TMEM71: variants seen among roughly 807,000 people sequenced by gnomAD.
TMEM71 encodes transmembrane protein 71.
A neutral mutation model predicts 38.0 loss-of-function variants in TMEM71; 44 were observed. The observed-to-expected ratio is 1.16, with a 90% CI of 0.91 to 1.49. The LOEUF is 1.49. Among genes scored for constraint, TMEM71 ranks in the 40% most tolerant of loss-of-function variants. TMEM71 has a pLI of 0.00. For synonymous variants in TMEM71, 133 were observed against 122.5 expected, an observed-to-expected ratio of 1.09 and a Z score of -0.56; for missense variants, 367 against 348.6, an observed-to-expected ratio of 1.05 and a Z score of -0.42.
chr8:132,757,338 T>C (rs1829082644), intron 2 of TMEM71, 44 bp from the exon 3 acceptor site: 1 of 1,426,444 alleles, frequency 7.0e-7, no homozygotes, highest in Non-Finnish European at 9.9e-7. Flanking sequence ...TCATACCTGA[T>C]CAACAGTTAC....
At chr8:132,743,834 C>G (rs763681605) in intron 5 of TMEM71, among the ~76,000 whole-genome samples, 2 of 152,124 alleles carry the variant, frequency 1.3e-5, no homozygotes, top group African/African-American at 2.4e-5. Flanking sequence ...CTTCCCCCAC[C>G]AAGCACGTCT....
At chr8:132,768,415 G>A in the TMEM71 span, among the ~76,000 whole-genome samples, 1 of 152,146 alleles carries the variant, frequency 6.6e-6, no homozygotes, top group Non-Finnish European at 1.5e-5. Context: ...GGAGGCTGAG[G>A]CAGGCAGATC....
At position 132,714,162 on chromosome 8, in the gene TMEM71, G is replaced by C; in HGVS notation, c.806C>G (p.Thr269Ser). ...GGGAAACAGTTACTTACAAGCTACA[G>C]TTATCATCAATGAGCATGTGAAGAC... ...ASVFTCSLMI[T>S]VAYVKSLFLS... Residue 269 changes from threonine to serine, a missense_variant, in exon 8 of 10, where the codon ACT becomes AGT. By Grantham distance (58) the Thr-to-Ser change is moderately conservative. Transcript: ENST00000677595. 6.2e-7 allele frequency: 1 copy of C among 1,612,910 alleles called. No homozygotes were observed. The highest frequency in any genetic ancestry group is 8.5e-7 in the Non-Finnish European group (1 of 1,179,270).
At chr8:132,751,695 A>G in intron 4 of TMEM71, 90 bp downstream of exon 4, 1 of 1,298,370 alleles carries the variant, frequency 7.7e-7, no homozygotes, top group Admixed American at 1.7e-5. Context: ...TGGGCTCCTT[A>G]TAAAAGATAG....
At chr8:132,743,848 C>T (rs948047018) in intron 5 of TMEM71, among the ~76,000 whole-genome samples, 3 of 152,192 alleles carry the variant, frequency 2.0e-5, no homozygotes, top group Admixed American at 6.5e-5. Flanking sequence ...CACGTCTACT[C>T]ACTAGGCAAC....
chr8:132,743,280 T>C (rs1828150081), intron 5 of TMEM71, among the ~76,000 whole-genome samples: 1 of 152,168 alleles, frequency 6.6e-6, no homozygotes, highest in Non-Finnish European at 1.5e-5. Context: ...CAAAGTCTTC[T>C]ATAGGCCATT....
At chr8:132,760,423 G>A (rs1352601789) in intron 1 of TMEM71, 53 bp downstream of exon 1, 1 of 152,208 alleles carries the variant, frequency 6.6e-6, no homozygotes, top group Non-Finnish European at 1.5e-5. Flanking sequence ...GCTGAAAAAT[G>A]TCTGAATGTC....
In TMEM71 at chr8:132,718,467, G is replaced by C. The variant is rs995350286; in HGVS notation, c.752+3573C>G. ...GCCTGGAGTGCAGTGGCACAATCTC[G>C]GCTCACTGCAAGATCCACCTCCCGG... On this transcript the variant is annotated intron_variant, in intron 7 of 9. Coordinates refer to ENST00000677595, the MANE Select transcript of TMEM71 (RefSeq NM_001382403.1). Among the ~76,000 whole-genome samples the C allele has an allele frequency of 3.6e-5, 5 of 139,924 alleles. No homozygotes were observed. In the South Asian group the frequency reaches 6.6e-4, roughly 18 times the overall value. The allele number at this position is 139,924 out of a possible 152,430, so 91.8% of individuals were successfully genotyped here.
At chr8:132,743,276 C>G (rs1241371239) in intron 5 of TMEM71, among the ~76,000 whole-genome samples, 1 of 152,126 alleles carries the variant, frequency 6.6e-6, no homozygotes, top group Admixed American at 6.6e-5. Context: ...ACATCAAAGT[C>G]TTCTATAGGC....
downstream of TMEM71, among the ~76,000 whole-genome samples, chr8:132,708,804 A>G (rs763614931): frequency 3.6e-4 from 55 of 152,234 alleles, no homozygotes; most frequent in Non-Finnish European, 7.8e-4. Flanking sequence ...AAGATGTCTA[A>G]AGTCAGAAAA....
At chr8:132,714,413 T>C (rs761827219) in intron 7 of TMEM71, among the ~76,000 whole-genome samples, 198 bp from the exon 8 acceptor site, 1 of 152,194 alleles carries the variant, frequency 6.6e-6, no homozygotes, top group East Asian at 1.9e-4. Flanking sequence ...CTTATGCAGA[T>C]AGAGTAAACT....
chr8:132,742,876 T>C (rs1393659191), intron 5 of TMEM71, among the ~76,000 whole-genome samples: 2 of 152,214 alleles, frequency 1.3e-5, no homozygotes, highest in Non-Finnish European at 2.9e-5. Context: ...CAGTTCCACA[T>C]GGCTAGGAAA....
chr8:132,770,444 A>G, the TMEM71 span, among the ~76,000 whole-genome samples: 4 of 152,182 alleles, frequency 2.6e-5, no homozygotes, highest in Admixed American at 6.5e-5. Context: ...GAATCAGTAC[A>G]AGTCATCCCC....
intron 7 of TMEM71, among the ~76,000 whole-genome samples, chr8:132,715,335 G>T (rs371001443): frequency 1.3e-5 from 2 of 149,146 alleles, no homozygotes; most frequent in East Asian, 3.9e-4. Flanking sequence ...GCGTGAACCC[G>T]GGAGGCGGAG....
chr8:132,740,103 A>G (rs1827956579), intron 5 of TMEM71, among the ~76,000 whole-genome samples: 1 of 152,198 alleles, frequency 6.6e-6, no homozygotes, highest in African/African-American at 2.4e-5. Context: ...CACTCAGAGT[A>G]TGAAAGCAAA....
chr8:132,726,498 A>G (rs1379072969), intron 6 of TMEM71, among the ~76,000 whole-genome samples: 1 of 152,238 alleles, frequency 6.6e-6, no homozygotes, highest in African/African-American at 2.4e-5. Context: ...AGTACTTTAC[A>G]TGAGTTATTT....
In TMEM71 at chr8:132,710,949, G is replaced by A. The variant is rs1826200666; in HGVS notation, c.*18C>T. 2.5e-6 allele frequency: 4 copies of A among 1,608,360 alleles called. No homozygotes were observed. The highest frequency in any genetic ancestry group is 3.4e-6 in the Non-Finnish European group (4 of 1,176,606). On this transcript the variant is annotated 3_prime_UTR_variant, in exon 10 of 10. Transcript: ENST00000677595. ...ATTCAGATGGAGGACATTCATCGAAGGCATTCCTAAATGGTTGTCAAATTT... is the reference window on the plus strand; with the variant it reads ...ATTCAGATGGAGGACATTCATCGAAAGCATTCCTAAATGGTTGTCAAATTT...
intron 5 of TMEM71, among the ~76,000 whole-genome samples, chr8:132,743,262 G>A (rs764851343): frequency 2.3e-4 from 35 of 151,986 alleles, no homozygotes; most frequent in Non-Finnish European, 1.0e-4. Flanking sequence ...TCCCTTCCCA[G>A]CAGACATCAA....
intron 6 of TMEM71, 61 bp from the exon 7 acceptor site, chr8:132,722,176 G>T: frequency 1.5e-5 from 17 of 1,172,062 alleles, no homozygotes; most frequent in East Asian, 2.9e-5. Context: ...CATCTTGGAA[G>T]AAAAAATCAT....
Sources: allele counts gnomAD v4.1 joint callset (sites outside exome capture counted in the v4.1 genomes callset), GRCh38; gene constraint gnomAD v4.1.1; transcripts MANE v1.5; gene names NCBI Gene and HGNC (gene_info 2026-07-23, HGNC 2026-07-21).